The following FRMPD1 variants were observed in gnomAD, a reference collection of about 807,000 sequenced individuals.
FRMPD1 encodes FERM and PDZ domain containing 1.
In FRMPD1, 76 loss-of-function variants were observed where a neutral mutation model predicts 117.8. The observed-to-expected ratio is 0.65, with a 90% CI of 0.54 to 0.78. The LOEUF (loss-of-function observed/expected upper bound fraction) is 0.78, where lower values mean the gene tolerates loss of function less well. Ranked by LOEUF, FRMPD1 falls within the 30% of genes least tolerant of loss-of-function variation. The probability of loss-of-function intolerance (pLI) is 0.00; values close to 1 mark genes in which losing one functional copy is unlikely to be tolerated. For synonymous variants in FRMPD1, 783 were observed against 770.4 expected (o/e 1.02, Z -0.27); for missense variants, 1,786 against 1,964.5 (o/e 0.91, Z 1.72).
At chr9:37,625,950 C>T in the FRMPD1 span, among the ~76,000 whole-genome samples, 1 of 152,228 alleles carries the variant, frequency 6.6e-6, no homozygotes, top group East Asian at 1.9e-4. Flanking sequence ...GGGCCGGGAG[C>T]GGCGGCTCAC....
At chr9:37,629,855 A>G in the FRMPD1 span, among the ~76,000 whole-genome samples, 2 of 152,176 alleles carry the variant, frequency 1.3e-5, no homozygotes, top group South Asian at 2.1e-4. Flanking sequence ...TTGGGCTGCT[A>G]TAACAAAACG....
chr9:37,652,090 G>T (rs1456230383), intron 1 of FRMPD1, among the ~76,000 whole-genome samples: 1 of 152,196 alleles, frequency 6.6e-6, no homozygotes. Context: ...TTTTCAAAGT[G>T]GCTTATAGAT....
the FRMPD1 span, among the ~76,000 whole-genome samples, chr9:37,607,143 C>T: frequency 6.6e-6 from 1 of 151,892 alleles, no homozygotes. Flanking sequence ...GGAGAAATCC[C>T]GTCTCTAATA....
intron 1 of FRMPD1, among the ~76,000 whole-genome samples, chr9:37,671,061 C>CA (rs1322824723): frequency 6.6e-6 from 1 of 152,152 alleles, no homozygotes; most frequent in African/African-American, 2.4e-5. Flanking sequence ...TTCTTTTAAA[C>CA]AAAATGTGTT....
chr9:37,645,554 T>C, the FRMPD1 span, among the ~76,000 whole-genome samples: 1 of 152,198 alleles, frequency 6.6e-6, no homozygotes, highest in Non-Finnish European at 1.5e-5. Flanking sequence ...AGAACGACTA[T>C]GATAAACAGT....
chr9:37,722,923 G>A (rs1369410876), intron 6 of FRMPD1, among the ~76,000 whole-genome samples: 1 of 152,174 alleles, frequency 6.6e-6, no homozygotes, highest in African/African-American at 2.4e-5. Flanking sequence ...AGAGCTGGGA[G>A]ATTCTCCAAA....
chr9:37,716,611 G>A (rs1258990054), intron 5 of FRMPD1, among the ~76,000 whole-genome samples: 1 of 152,190 alleles, frequency 6.6e-6, no homozygotes, highest in Non-Finnish European at 1.5e-5. Context: ...TCTTCCTGCA[G>A]ATTCCTTTTC....
chr9:37,632,230 A>G, the FRMPD1 span, among the ~76,000 whole-genome samples: 1 of 152,230 alleles, frequency 6.6e-6, no homozygotes, highest in Non-Finnish European at 1.5e-5. Flanking sequence ...GTAATTTAAC[A>G]GTATCCTATT....
the FRMPD1 span, among the ~76,000 whole-genome samples, chr9:37,611,945 T>C: frequency 6.6e-6 from 1 of 152,196 alleles, no homozygotes; most frequent in African/African-American, 2.4e-5. Flanking sequence ...GAGAGGCCAG[T>C]GGCGATTCCC....
In FRMPD1 at chr9:37,733,710, G is replaced by A. The variant is rs769322565; in HGVS notation, c.1123-20G>A. On this transcript the variant is annotated intron_variant, in intron 11 of 15. Coordinates refer to ENST00000377765, the MANE Select transcript of FRMPD1 (RefSeq NM_014907.3). ...CCAATGAATAACTCTGACTTCAAGT[G>A]TTTTTTTTTCTCTATTAAGCAACTT... is the stretch of plus-strand genomic sequence containing the variant. 3 of 1,531,270 alleles carry A rather than the reference G, an allele frequency of 2.0e-6. No homozygotes were observed. Among genetic ancestry groups the A allele is most frequent in the African/African-American group, 2.7e-5 (2 of 72,770 alleles). 94.9% of individuals were successfully genotyped at this position (1,531,270 alleles called of 1,614,324 possible).
At chr9:37,632,757 T>A in the FRMPD1 span, among the ~76,000 whole-genome samples, 93 of 152,044 alleles carry the variant, frequency 6.1e-4, 1 homozygote, top group East Asian at 0.01. Context: ...CAAGACTGAG[T>A]CCTTAGTGCA....
intron 1 of FRMPD1, among the ~76,000 whole-genome samples, chr9:37,671,617 G>A (rs868461173): frequency 1.3e-5 from 2 of 152,118 alleles, no homozygotes; most frequent in South Asian, 2.1e-4. Context: ...TGAAAGCACC[G>A]ACCCCGAGTA....
chr9:37,744,670 C>T lies in FRMPD1; in HGVS notation c.2638C>T (p.Pro880Ser). The T allele has an allele frequency of 3.1e-6, 5 of 1,614,064 alleles. No individual in the cohort carries two copies. Among genetic ancestry groups the T allele is most frequent in the Non-Finnish European group, 4.2e-6 (5 of 1,179,988 alleles). ...GGAGCCCTACCTGGCCCTTGGTGCA[C>T]CCTCCCCAACTGTGTCCTCTCTGCA... Reference protein sequence around the residue: ...DREPYLALGAPSPTVSSLQDM... With the variant: ...DREPYLALGASSPTVSSLQDM... Residue 880 changes from proline to serine, a missense_variant, in exon 16 of 16, where the codon CCC becomes TCC. Coordinates refer to ENST00000377765, the MANE Select transcript of FRMPD1 (RefSeq NM_014907.3).
At chr9:37,696,512 A>G (rs1303199563) in intron 2 of FRMPD1, among the ~76,000 whole-genome samples, 1 of 152,200 alleles carries the variant, frequency 6.6e-6, no homozygotes, top group Admixed American at 6.5e-5. Context: ...TGTATTATTC[A>G]TTGAAATATA....
intron 4 of FRMPD1, among the ~76,000 whole-genome samples, 173 bp from the exon 5 acceptor site, chr9:37,711,177 C>T (rs531498994): frequency 2.0e-5 from 3 of 152,216 alleles, no homozygotes; most frequent in Admixed American, 6.5e-5. Context: ...CTGCATTTCC[C>T]AATATCTTTC....
chr9:37,610,254 C>T, the FRMPD1 span, among the ~76,000 whole-genome samples: 1 of 152,098 alleles, frequency 6.6e-6, no homozygotes, highest in Non-Finnish European at 1.5e-5. Context: ...GTATAATGAT[C>T]AAATCAGAGT....
intron 1 of FRMPD1, among the ~76,000 whole-genome samples, chr9:37,678,960 C>T (rs942391996): frequency 2.6e-5 from 4 of 152,212 alleles, no homozygotes; most frequent in African/African-American, 9.6e-5. Flanking sequence ...CCTTTTAGGG[C>T]CCAGCACAGG....
chr9:37,711,260 C>T, intron 4 of FRMPD1, 90 bp from the exon 5 acceptor site: 5 of 880,536 alleles, frequency 5.7e-6, no homozygotes, highest in Non-Finnish European at 5.8e-6. Context: ...CTTTTTGACC[C>T]TAACACACAT....
intron 1 of FRMPD1, among the ~76,000 whole-genome samples, chr9:37,672,265 G>GT (rs960713652): frequency 6.6e-6 from 1 of 152,158 alleles, no homozygotes; most frequent in Non-Finnish European, 1.5e-5. Context: ...CAGGAAGGGT[G>GT]TACCTGGCAA....
Sources: allele counts gnomAD v4.1 joint callset (sites outside exome capture counted in the v4.1 genomes callset), GRCh38; gene constraint gnomAD v4.1.1; transcripts MANE v1.5; gene names NCBI Gene and HGNC (gene_info 2026-07-23, HGNC 2026-07-21).